CNNM3: variants seen among roughly 807,000 people sequenced by gnomAD.
The protein encoded by CNNM3 is cyclin and CBS domain divalent metal cation transport mediator 3.
A neutral mutation model predicts 57.1 loss-of-function variants in CNNM3; 47 were observed. The ratio of observed to expected loss-of-function variants is 0.82; its 90% CI spans 0.65 to 1.05. The LOEUF is 1.05. Among genes scored for constraint, CNNM3 ranks in the 50% least tolerant of loss-of-function variants. CNNM3 has a pLI of 0.00. For missense variants in CNNM3, 957 were observed against 973.7 expected, an observed-to-expected ratio of 0.98 and a Z score of 0.23; for synonymous variants, 507 against 478.2, an observed-to-expected ratio of 1.06 and a Z score of -0.79.
chr2:96,822,040 C>T (rs1216216240), intron 1 of CNNM3, among the ~76,000 whole-genome samples: 1 of 146,176 alleles, frequency 6.8e-6, no homozygotes, highest in East Asian at 2.0e-4. Flanking sequence ...GTGTTGCTCT[C>T]TTGCCAGGCT....
downstream of CNNM3, among the ~76,000 whole-genome samples, chr2:96,836,351 A>C (rs10439526): frequency 0.2 from 30,005 of 149,714 alleles, 5,723 homozygotes; most frequent in African/African-American, 0.51. Context: ...AAGTGATTCT[A>C]CTGCCTCAGC....
rs1205904166 is a variant in CNNM3, at chr2:96,833,147, G to A, written c.*531G>A. The A allele has an allele frequency of 3.3e-6, 2 of 608,246 alleles. No individual in the cohort carries two copies. The highest frequency in any genetic ancestry group is 1.9e-5 in the African/African-American group (1 of 52,300). 37.7% of individuals were successfully genotyped at this position (608,246 alleles called of 1,614,324 possible). On this transcript the variant is annotated 3_prime_UTR_variant, in exon 8 of 8. Coordinates refer to ENST00000305510, the MANE Select transcript of CNNM3 (RefSeq NM_017623.5). ...TGTCCTTTCTGGCTTCCCTGATGGT[G>A]TCATGTTTCAGCGCATGCGCCCCAG... is the stretch of plus-strand genomic sequence containing the variant.
chr2:96,828,962 C>T (rs753458682), intron 6 of CNNM3, 34 bp from the exon 7 acceptor site: 21 of 1,607,792 alleles, frequency 1.3e-5, no homozygotes, highest in Non-Finnish European at 1.8e-5. Context: ...TCTCGCTTCA[C>T]CAATTGGGTC....
In CNNM3 at chr2:96,825,077, C is replaced by T. The variant is rs759027557; in HGVS notation, c.1245C>T (p.Ile415=). Residue 415 remains isoleucine (I), a synonymous_variant, in exon 2 of 8, where the codon ATC becomes ATT. Transcript: ENST00000305510. The part of the protein sequence containing the change: ...EFKRGKSHLA[I]VQKVNNEGEG... The stretch of plus-strand genomic sequence containing the variant: ...CCACAGGGAAGTCCCACCTGGCCAT[C>T]GTGCAGAAGGTGAACAACGAGGGTG... 7 of 1,613,116 alleles carry T rather than the reference C, an allele frequency of 4.3e-6. No homozygotes were observed. In the South Asian group the frequency reaches 4.4e-5, roughly 10 times the overall value.
downstream of CNNM3, among the ~76,000 whole-genome samples, chr2:96,835,773 T>TGTCA (rs2079683174): frequency 6.6e-6 from 1 of 152,158 alleles, no homozygotes. Flanking sequence ...GGCCACAAAC[T>TGTCA]GTCAAACTCA....
At chr2:96,829,784 A>G (rs1322260403) in intron 7 of CNNM3, among the ~76,000 whole-genome samples, 1 of 152,166 alleles carries the variant, frequency 6.6e-6, no homozygotes, top group East Asian at 1.9e-4. Flanking sequence ...GGAAGTGGGA[A>G]TAAGTTTTAG....
rs1207164793 is a variant in CNNM3, at chr2:96,816,620, G to A, written c.343G>A (p.Ala115Thr). The A allele has an allele frequency of 8.6e-7, 1 of 1,164,456 alleles. No individual in the cohort carries two copies. The highest frequency in any genetic ancestry group is 4.0e-5 in the East Asian group (1 of 25,272). The allele number at this position is 1,164,456 out of a possible 1,614,324, so 72.1% of individuals were successfully genotyped here. A position where few individuals can be genotyped will look rare whatever the true frequency, so the allele number is the denominator to read the frequency against. The change falls in exon 1 of 8, where the codon GCG becomes ACG. Residue 115 changes from alanine (A) to threonine (T), a missense_variant. By Grantham distance (58) the Ala-to-Thr change is moderately conservative. Around this residue, in one of 2 missense-constraint regions of CNNM3, gnomAD observed 466 missense variants for 403.1 expected, o/e 1.16. Coordinates refer to ENST00000305510, the MANE Select transcript of CNNM3 (RefSeq NM_017623.5). ...LRAEAVRPHS[A>T]LLAVRVEPGG... is the part of the protein sequence containing the mutation. ...GGCCGAGGCCGTGCGCCCGCACTCG[G>A]CGCTGCTGGCGGTGCGCGTGGAGCC... is the stretch of plus-strand genomic sequence containing the variant.
intron 3 of CNNM3, 45 bp from the exon 4 acceptor site, chr2:96,827,686 C>T (rs753679398): frequency 1.3e-6 from 2 of 1,574,748 alleles, no homozygotes; most frequent in Non-Finnish European, 1.7e-6. Context: ...TTCCACTGGC[C>T]ACTAGGCCCC....
chr2:96,830,938 T>TA (rs2079591935), intron 7 of CNNM3, among the ~76,000 whole-genome samples: 2 of 152,200 alleles, frequency 1.3e-5, no homozygotes. Context: ...GCCAAGGTTT[T>TA]AAAAATGGGA....
chr2:96,830,367 C>G (rs2079580770), intron 7 of CNNM3, among the ~76,000 whole-genome samples: 1 of 152,178 alleles, frequency 6.6e-6, no homozygotes. Flanking sequence ...GCTAGCTGTT[C>G]TGCCTGTTCT....
downstream of CNNM3, among the ~76,000 whole-genome samples, chr2:96,835,449 TCGTTTTTTAAA>T (rs1164169928): frequency 6.6e-6 from 1 of 151,998 alleles, no homozygotes; most frequent in East Asian, 1.9e-4. Flanking sequence ...GTTGCATGTT[TCGTTTTTTAAA>T]CAATCAAACT....
Position 96,830,889 on chromosome 2 carries a change from C to T in CNNM3, c.2060-1663C>T, listed in dbSNP as rs550507276. 7.2e-5 allele frequency among the ~76,000 whole-genome samples: 11 copies of T among 152,312 alleles called. No individual in the cohort carries two copies. In the East Asian group the frequency reaches 1.5e-3, roughly 21 times the overall value. ...CTTATTGTATGGGGTGCCCCTTCTA[C>T]AGAAGTTCACATTGTCACATTACAC... On this transcript the variant is annotated intron_variant, in intron 7 of 7. Transcript: ENST00000305510.
rs927938086 is a variant in CNNM3 at position 96,829,472 on chromosome 2, T to C, written c.2059+338T>C. 3.3e-5 allele frequency among the ~76,000 whole-genome samples: 5 copies of C among 151,682 alleles called. No individual in the cohort carries two copies. The South Asian group carries it at 6.2e-4, about 19-fold the overall frequency. On this transcript the variant is annotated intron_variant, in intron 7 of 7. Transcript: ENST00000305510. ...CCCACGACCACGCCTGGCCAATTTT[T>C]GTATTTTTAGTAGAGATGGGGTTTC...
chr2:96,832,267 C>A, intron 7 of CNNM3: 2 of 985,380 alleles, frequency 2.0e-6, no homozygotes, highest in Non-Finnish European at 2.4e-6. Flanking sequence ...CCTTCCAGCA[C>A]AGGGTGCTGT....
rs1346118011 is a variant in CNNM3 at position 96,834,528 on chromosome 2, T to C, written c.*1912T>C. Among the ~76,000 whole-genome samples, 1 of 151,050 alleles carries C rather than the reference T, an allele frequency of 6.6e-6. No individual in the cohort carries two copies. Among genetic ancestry groups the C allele is most frequent in the African/African-American group, 2.5e-5 (1 of 40,588 alleles). ...CCCAGCTAATACTTTTAATTTTTTT[T>C]TGTAGAGATAGGGTCTCATTATGTT... On this transcript the variant is annotated 3_prime_UTR_variant, in exon 8 of 8. Coordinates refer to ENST00000305510, the MANE Select transcript of CNNM3 (RefSeq NM_017623.5).
At chr2:96,826,474 A>G (rs2079507194) in intron 2 of CNNM3, among the ~76,000 whole-genome samples, 1 of 152,180 alleles carries the variant, frequency 6.6e-6, no homozygotes, top group Non-Finnish European at 1.5e-5. Context: ...TCAGCCTCCT[A>G]AAGTGCTAGG....
chr2:96,833,066 G>A lies in CNNM3; in HGVS notation c.*450G>A, dbSNP rs546058974. The A allele has an allele frequency of 3.1e-6, 4 of 1,272,346 alleles. No homozygotes were observed. The South Asian group carries it at 3.7e-5, about 12-fold the overall frequency. 78.8% of individuals were successfully genotyped at this position (1,272,346 alleles called of 1,614,324 possible). On this transcript the variant is annotated 3_prime_UTR_variant, in exon 8 of 8. Coordinates refer to ENST00000305510, the MANE Select transcript of CNNM3 (RefSeq NM_017623.5). ...TATCGCTGCTGGCAGCACTTTTTGA[G>A]CAAGCCGAGAGCACCCATTTTGGCT...
At chr2:96,829,610 CTT>C (rs11447794) in intron 7 of CNNM3, among the ~76,000 whole-genome samples, 2 of 143,504 alleles carry the variant, frequency 1.4e-5, no homozygotes. Flanking sequence ...CCCCTTCTTG[CTT>C]TTTTTTTTTT....
Position 96,833,056 on chromosome 2 carries a change from C to G in CNNM3, c.*440C>G. The G allele has an allele frequency of 7.8e-7, 1 of 1,281,152 alleles. No homozygotes were observed. The highest frequency in any genetic ancestry group is 5.5e-5 in the East Asian group (1 of 18,224). 79.4% of individuals were successfully genotyped at this position (1,281,152 alleles called of 1,614,324 possible). On this transcript the variant is annotated 3_prime_UTR_variant, in exon 8 of 8. Transcript: ENST00000305510. ...TTTGCCAACCTATCGCTGCTGGCAG[C>G]ACTTTTTGAGCAAGCCGAGAGCACC... is the stretch of plus-strand genomic sequence containing the variant.
Sources: gnomAD v4.1 joint callset for allele counts (sites outside exome capture counted in the v4.1 genomes callset) on GRCh38, gnomAD v4.1.1 for gene constraint, gnomAD v4.1.1 regional missense constraint, MANE v1.5 for transcripts, NCBI Gene and HGNC (gene_info 2026-07-23, HGNC 2026-07-21) for gene names.